Variants in SHISA7 observed in about 807,000 individuals in gnomAD.
SHISA7 encodes protein shisa-7.
A neutral mutation model predicts 23.9 loss-of-function variants in SHISA7; 6 were observed. That is an observed-to-expected ratio of 0.25 (90% CI 0.14 to 0.50). SHISA7 has a LOEUF of 0.50. Among genes scored for constraint, SHISA7 ranks in the 20% least tolerant of loss-of-function variants. The probability of loss-of-function intolerance (pLI) is 0.98; values close to 1 mark genes in which losing one functional copy is unlikely to be tolerated. For synonymous variants in SHISA7, 386 were observed against 398.3 expected, an observed-to-expected ratio of 0.97 and a Z score of 0.37; for missense variants, 671 against 801.1, an observed-to-expected ratio of 0.84 and a Z score of 1.96.
Position 55,433,900 on chromosome 19 carries a change from A to C in SHISA7, c.977-104T>G. On this transcript the variant is annotated intron_variant, in intron 3 of 3. Transcript: ENST00000376325. The surrounding 1 kb of genome is among the most constrained non-coding windows in gnomAD (Gnocchi z 8.4). ...CCGCTCCTATGCTCCTTGTGCCCCC[A>C]CAAGGATCCTGGGCATCAGGCTAGC... 3.2e-6 allele frequency: 4 copies of C among 1,251,788 alleles called. No homozygotes were observed. The highest frequency in any genetic ancestry group is 3.2e-5 in the East Asian group (1 of 31,306). The allele number at this position is 1,251,788 out of a possible 1,614,324, so 77.5% of individuals were successfully genotyped here. A position where few individuals can be genotyped will look rare whatever the true frequency, so the allele number is the denominator to read the frequency against.
chr19:55,433,132 A>C lies in SHISA7; in HGVS notation c.*24T>G, dbSNP rs1303542083. ...TGGGACGGGGGGCCCGGGAGGCCGC[A>C]GCCCCCCAGACCCGGCCCTGGCCTC... is the stretch of plus-strand genomic sequence containing the variant. On this transcript the variant is annotated 3_prime_UTR_variant, in exon 4 of 4. Transcript: ENST00000376325. This position sits in a 1 kb window ranked among gnomAD's most constrained non-coding sequence, Gnocchi z 8.4. The C allele has an allele frequency of 6.6e-7, 1 of 1,506,988 alleles. No individual in the cohort carries two copies. Among genetic ancestry groups the C allele is most frequent in the Non-Finnish European group, 8.8e-7 (1 of 1,133,644 alleles). The allele number at this position is 1,506,988 out of a possible 1,614,324, so 93.4% of individuals were successfully genotyped here.
chr19:55,433,756 G>A lies in SHISA7; in HGVS notation c.1017C>T (p.Pro339=). ...DLDEAYLKRR[P]LELPRGTLPL... ...GCAGCGTGCCGCGGGGCAATTCCAG[G>A]GGCCGGCGCTTCAGGTAGGCCTCGT... The change falls in exon 4 of 4, where the codon CCC becomes CCT. Residue 339 remains proline, a synonymous_variant. Transcript: ENST00000376325. This position sits in a 1 kb window ranked among gnomAD's most constrained non-coding sequence, Gnocchi z 8.4. The A allele has an allele frequency of 6.9e-7, 1 of 1,451,500 alleles. No homozygotes were observed. The highest frequency in any genetic ancestry group is 1.4e-5 in the South Asian group (1 of 73,418). The allele number at this position is 1,451,500 out of a possible 1,614,324, so 89.9% of individuals were successfully genotyped here. A position where few individuals can be genotyped will look rare whatever the true frequency, so the allele number is the denominator to read the frequency against.
In SHISA7 at chr19:55,437,622, G is replaced by C. The variant is rs1568451949; in HGVS notation, c.959C>G (p.Ser320Cys). Residue 320 changes from serine to cysteine, a missense_variant, in exon 3 of 4, where the codon TCT (serine) becomes TGT (cysteine). Around this residue, in one of 5 missense-constraint regions of SHISA7, gnomAD observed 457 missense variants for 488.3 expected, o/e 0.94. Coordinates refer to ENST00000376325, the MANE Select transcript of SHISA7 (RefSeq NM_001145176.2). ...AAVKSELNRY[S>C]SLKRLAEKDL... The stretch of plus-strand genomic sequence containing the variant: ...GGACTCACCCAGCCTCTTGAGGGAA[G>C]AGTAGCGGTTCAGCTCGGATTTCAC... The C allele has an allele frequency of 6.4e-7, 1 of 1,551,430 alleles. No individual in the cohort carries two copies. The highest frequency in any genetic ancestry group is 2.0e-5 in the Admixed American group (1 of 50,986).
intron 3 of SHISA7, among the ~76,000 whole-genome samples, chr19:55,437,161 C>T (rs1985482413): frequency 6.6e-6 from 1 of 152,122 alleles, no homozygotes; most frequent in African/African-American, 2.4e-5. Context: ...AGAACGGCAG[C>T]CTGAACATCT....
Position 55,433,115 on chromosome 19 carries a change from G to A in SHISA7, c.*41C>T. Reference sequence around the variant, plus strand: ...TGTCGGGGGATCCAGGCTGGGACGGGGGGCCCGGGAGGCCGCAGCCCCCCA... The same window carrying A: ...TGTCGGGGGATCCAGGCTGGGACGGAGGGCCCGGGAGGCCGCAGCCCCCCA... On this transcript the variant is annotated 3_prime_UTR_variant, in exon 4 of 4. Transcript: ENST00000376325. The surrounding 1 kb of genome is among the most constrained non-coding windows in gnomAD (Gnocchi z 8.4). The A allele has an allele frequency of 6.7e-7, 1 of 1,493,226 alleles. No homozygotes were observed. 92.5% of individuals were successfully genotyped at this position (1,493,226 alleles called of 1,614,324 possible). A position where few individuals can be genotyped will look rare whatever the true frequency, so the allele number is the denominator to read the frequency against.
At position 55,433,591 on chromosome 19, in the gene SHISA7, GCCA is replaced by G; in HGVS notation, c.1179_1181del (p.Gly394del). 6.7e-7 allele frequency: 1 copy of G among 1,498,342 alleles called. No homozygotes were observed. The highest frequency in any genetic ancestry group is 8.8e-7 in the Non-Finnish European group (1 of 1,130,070). The allele number at this position is 1,498,342 out of a possible 1,614,324, so 92.8% of individuals were successfully genotyped here. On this transcript the variant is annotated inframe_deletion, in exon 4 of 4. Coordinates refer to ENST00000376325, the MANE Select transcript of SHISA7 (RefSeq NM_001145176.2). This position sits in a 1 kb window ranked among gnomAD's most constrained non-coding sequence, Gnocchi z 8.4. ...GCAGCGTGAACTCGTAGCGCGAACG[GCCA>G]CCATCGCCCAGCAGGTGCTCCTGGG... is the stretch of plus-strand genomic sequence containing the variant.
At position 55,437,681 on chromosome 19, in the gene SHISA7, G is replaced by C; in HGVS notation, c.900C>G (p.Asn300Lys). 6.4e-7 allele frequency: 1 copy of C among 1,551,564 alleles called. No individual in the cohort carries two copies. The highest frequency in any genetic ancestry group is 1.2e-5 in the South Asian group (1 of 84,066). The change falls in exon 3 of 4, where the codon AAC becomes AAG. Residue 300 changes from asparagine (N) to lysine (K), a missense_variant. Physicochemically the swap from Asn to Lys is moderately conservative, Grantham distance 94. Coordinates refer to ENST00000376325, the MANE Select transcript of SHISA7 (RefSeq NM_001145176.2). ...STLSCSRSFHNLSHLPPSYEA... is the reference protein window; with the variant it reads ...STLSCSRSFHKLSHLPPSYEA... ...CGTAGGACGGGGGCAGATGCGAGAG[G>C]TTGTGGAAGGACCGAGAGCAGGACA...
At position 55,442,266 on chromosome 19, in the gene SHISA7, C is replaced by T. The variant is rs1400577995; in HGVS notation, c.598G>A (p.Gly200Ser). The change falls in exon 1 of 4, where the codon GGC becomes AGC. Residue 200 changes from glycine to serine, a missense_variant. Coordinates refer to ENST00000376325, the MANE Select transcript of SHISA7 (RefSeq NM_001145176.2). ...CTGAAGGCCACTTTGGCGCCGACGC[C>T]CACGGCCAGGGCGAAGCTGATGACC... ...CGVISFALAV[G>S]VGAKVAFSKA... 1 of 1,533,828 alleles carries T rather than the reference C, an allele frequency of 6.5e-7. No homozygotes were observed. Among genetic ancestry groups the T allele is most frequent in the Non-Finnish European group, 8.7e-7 (1 of 1,145,904 alleles).
chr19:55,438,878 C>CT (rs35647245), intron 2 of SHISA7, among the ~76,000 whole-genome samples: 2 of 63,852 alleles, frequency 3.1e-5, no homozygotes, highest in African/African-American at 2.5e-4. Context: ...GCACCCCCCC[C>CT]CCTGGTGCCC....
chr19:55,439,487 C>T (rs1283456960), intron 2 of SHISA7, among the ~76,000 whole-genome samples: 1 of 152,202 alleles, frequency 6.6e-6, no homozygotes. Flanking sequence ...TGTTGCTCCT[C>T]TGCTGGAACT....
rs1287928081 is a variant in SHISA7, at chr19:55,437,683, T to C, written c.898A>G (p.Asn300Asp). ...STLSCSRSFH[N>D]LSHLPPSYEA... ...TAGGACGGGGGCAGATGCGAGAGGT[T>C]GTGGAAGGACCGAGAGCAGGACAGC... The change falls in exon 3 of 4, where the codon AAC becomes GAC. Residue 300 changes from asparagine to aspartate, a missense_variant. Coordinates refer to ENST00000376325, the MANE Select transcript of SHISA7 (RefSeq NM_001145176.2). 1 of 1,551,460 alleles carries C rather than the reference T, an allele frequency of 6.4e-7. No homozygotes were observed. Among genetic ancestry groups the C allele is most frequent in the East Asian group, 2.4e-5 (1 of 40,896 alleles).
chr19:55,435,904 A>C (rs1985447982), intron 3 of SHISA7, among the ~76,000 whole-genome samples: 1 of 152,036 alleles, frequency 6.6e-6, no homozygotes, highest in Admixed American at 6.6e-5. Flanking sequence ...ATGTTTGCAA[A>C]TGTCCGTAAT....
At position 55,442,750 on chromosome 19, in the gene SHISA7, C is replaced by A; in HGVS notation, c.114G>T (p.Ala38=). 8.8e-7 allele frequency: 1 copy of A among 1,130,172 alleles called. No homozygotes were observed. Among genetic ancestry groups the A allele is most frequent in the South Asian group, 4.2e-5 (1 of 23,738 alleles). The allele number at this position is 1,130,172 out of a possible 1,614,324, so 70.0% of individuals were successfully genotyped here. A position where few individuals can be genotyped will look rare whatever the true frequency, so the allele number is the denominator to read the frequency against. ...GCGCCCCGGTCAGGCGCCGCAGGTG[C>A]GCCAGCAGGGCGGGCAGCGGGCCCG... The part of the protein sequence containing the change: ...EPAGPLPALL[A]HLRRLTGALT... Residue 38 remains alanine, a synonymous_variant, in exon 1 of 4, where the codon GCG becomes GCT. Coordinates refer to ENST00000376325, the MANE Select transcript of SHISA7 (RefSeq NM_001145176.2).
rs185315020 is a variant in SHISA7, at chr19:55,437,513, G to A, written c.976+92C>T. 9.4e-3 allele frequency: 13,268 copies of A among 1,404,372 alleles called. 69 individuals are homozygous for A. The highest frequency in any genetic ancestry group is 0.011 in the Non-Finnish European group (12,020 of 1,061,084). The allele number at this position is 1,404,372 out of a possible 1,614,324, so 87.0% of individuals were successfully genotyped here. A position where few individuals can be genotyped will look rare whatever the true frequency, so the allele number is the denominator to read the frequency against. On this transcript the variant is annotated intron_variant, in intron 3 of 3. Coordinates refer to ENST00000376325, the MANE Select transcript of SHISA7 (RefSeq NM_001145176.2). ...ACCTGGGAGAGAAGCTAAACCATTG[G>A]AAGGCTCTTGGGCCACTGTCCACGG...
rs569397224 is a variant in SHISA7 at position 55,429,428 on chromosome 19, C to T, written c.*3728G>A. On this transcript the variant is annotated 3_prime_UTR_variant, in exon 4 of 4. Coordinates refer to ENST00000376325, the MANE Select transcript of SHISA7 (RefSeq NM_001145176.2). ...GCCCTGGAAGGGATGGGAGGAGCCC[C>T]TCAGAGCAGCTAGAAGCCGTGGGGT... 1 of 152,660 alleles carries T rather than the reference C, an allele frequency of 6.6e-6. No homozygotes were observed. Among genetic ancestry groups the T allele is most frequent in the Non-Finnish European group, 1.5e-5 (1 of 68,446 alleles). 9.5% of individuals were successfully genotyped at this position (152,660 alleles called of 1,614,324 possible).
rs552132687 is a variant in SHISA7, at chr19:55,434,755, GGT to G, written c.977-961_977-960del. Reference sequence around the variant, plus strand: ...TGTGTGGTGTATATGTGGTGTGTGTGGTGTGTGTGGTGTGTGGTGTGTGTATG... The same window carrying G: ...TGTGTGGTGTATATGTGGTGTGTGTGGTGTGTGGTGTGTGGTGTGTGTATG... On this transcript the variant is annotated intron_variant, in intron 3 of 3. Transcript: ENST00000376325. Among the ~76,000 whole-genome samples, 31 of 123,688 alleles carry G rather than the reference GGT, an allele frequency of 2.5e-4. No homozygotes were observed. In the South Asian group the frequency reaches 6.7e-3, roughly 27 times the overall value. The allele number at this position is 123,688 out of a possible 152,430, so 81.1% of individuals were successfully genotyped here.
chr19:55,431,664 G>C lies in SHISA7; in HGVS notation c.*1492C>G, dbSNP rs1053407447. 1.3e-5 allele frequency: 2 copies of C among 152,164 alleles called. No homozygotes were observed. Among genetic ancestry groups the C allele is most frequent in the Non-Finnish European group, 2.9e-5 (2 of 68,054 alleles). The allele number at this position is 152,164 out of a possible 1,614,324, so 9.4% of individuals were successfully genotyped here. A position where few individuals can be genotyped will look rare whatever the true frequency, so the allele number is the denominator to read the frequency against. ...GTGTTGTGTGATGCTGACAGTGTCA[G>C]TGAGGGCAAGAGTAGGTGTACCCCA... On this transcript the variant is annotated 3_prime_UTR_variant, in exon 4 of 4. Transcript: ENST00000376325.
intron 3 of SHISA7, among the ~76,000 whole-genome samples, chr19:55,436,990 T>C (rs978688257): frequency 1.5e-4 from 23 of 152,326 alleles, no homozygotes; most frequent in Middle Eastern, 3.4e-3. Flanking sequence ...GCTGCTCCAC[T>C]GTCAGCAATG....
At chr19:55,440,545 C>T in intron 2 of SHISA7, 66 bp downstream of exon 2, 1 of 1,239,868 alleles carries the variant, frequency 8.1e-7, no homozygotes. Flanking sequence ...CCATGGAGGG[C>T]GGGGCTACAT....
Sources: allele counts gnomAD v4.1 joint callset (sites outside exome capture counted in the v4.1 genomes callset), GRCh38; gene constraint gnomAD v4.1.1; regional missense constraint gnomAD v4.1.1; non-coding constraint Gnocchi (gnomAD v3.1); transcripts MANE v1.5; gene names NCBI Gene and HGNC (gene_info 2026-07-23, HGNC 2026-07-21).